FHIT: variants seen among roughly 807,000 people sequenced by gnomAD.
FHIT encodes the protein bis(5'-adenosyl)-triphosphatase.
Under a neutral mutation model 17.9 loss-of-function variants are expected in FHIT, and 19 were observed. The observed-to-expected ratio is 1.06, with a 90% CI of 0.74 to 1.56. The LOEUF (loss-of-function observed/expected upper bound fraction) is 1.56, where lower values mean the gene tolerates loss of function less well. FHIT is among the 40% of genes most tolerant of loss of function. FHIT has a pLI of 0.00. For missense variants in FHIT, 248 were observed against 189.2 expected (o/e 1.31, Z -1.82); for synonymous variants, 81 against 69.7 (o/e 1.16, Z -0.81).
At chr3:60,778,547 T>C (rs1488313513) in intron 4 of FHIT, among the ~76,000 whole-genome samples, 1 of 152,224 alleles carries the variant, frequency 6.6e-6, no homozygotes, top group Non-Finnish European at 1.5e-5. Flanking sequence ...CCATGTTTCA[T>C]TTTTCAGAGT....
intron 5 of FHIT, among the ~76,000 whole-genome samples, chr3:60,104,262 T>G (rs1227429351): frequency 6.6e-6 from 1 of 152,178 alleles, no homozygotes; most frequent in Non-Finnish European, 1.5e-5. Flanking sequence ...CAACACATCA[T>G]CAATCAACCA....
At chr3:60,010,715 TTTA>T (rs1700105078) in intron 7 of FHIT, among the ~76,000 whole-genome samples, 1 of 152,076 alleles carries the variant, frequency 6.6e-6, no homozygotes, top group Non-Finnish European at 1.5e-5. Flanking sequence ...CAGCCAGGAT[TTTA>T]TTATTTTATT....
chr3:59,962,614 T>G (rs1402507256), intron 7 of FHIT, among the ~76,000 whole-genome samples: 1 of 152,228 alleles, frequency 6.6e-6, no homozygotes, highest in African/African-American at 2.4e-5. Flanking sequence ...CTCAGGCTTG[T>G]TGACTACAAG....
chr3:60,013,619 C>T (rs1269222391), intron 6 of FHIT, among the ~76,000 whole-genome samples: 1 of 152,190 alleles, frequency 6.6e-6, no homozygotes, highest in Non-Finnish European at 1.5e-5. Flanking sequence ...AAGGCCCAAC[C>T]TAAGCTGCAT....
intron 5 of FHIT, among the ~76,000 whole-genome samples, chr3:60,210,177 A>C (rs1559730294): frequency 6.6e-6 from 1 of 152,216 alleles, no homozygotes; most frequent in Non-Finnish European, 1.5e-5. Context: ...GTATATGATA[A>C]ATATGCTATC....
intron 8 of FHIT, among the ~76,000 whole-genome samples, chr3:59,897,876 C>T (rs1383725983): frequency 1.3e-5 from 2 of 151,920 alleles, no homozygotes; most frequent in Non-Finnish European, 2.9e-5. Flanking sequence ...ACGCCATTCT[C>T]CTGCCTCAGC....
chr3:59,774,963 G>A (rs1396724874), intron 8 of FHIT, among the ~76,000 whole-genome samples: 1 of 152,146 alleles, frequency 6.6e-6, no homozygotes, highest in Non-Finnish European at 1.5e-5. Context: ...AAATGCCGGA[G>A]CTTAGGCTTC....
At chr3:60,607,584 A>C (rs2038647779) in intron 4 of FHIT, among the ~76,000 whole-genome samples, 1 of 151,932 alleles carries the variant, frequency 6.6e-6, no homozygotes, top group South Asian at 2.1e-4. Context: ...TTGTGTACTG[A>C]GTTCACGTTT....
At chr3:59,860,477 T>C (rs1032649857) in intron 8 of FHIT, among the ~76,000 whole-genome samples, 1 of 152,176 alleles carries the variant, frequency 6.6e-6, no homozygotes, top group African/African-American at 2.4e-5. Flanking sequence ...GTTGAATAAA[T>C]TTTGAAGTGT....
intron 2 of FHIT, among the ~76,000 whole-genome samples, chr3:61,085,222 A>C (rs1206924262): frequency 6.6e-6 from 1 of 152,096 alleles, no homozygotes; most frequent in Non-Finnish European, 1.5e-5. Flanking sequence ...AAAAGTGCCA[A>C]ATTGTTTTCC....
intron 3 of FHIT, among the ~76,000 whole-genome samples, chr3:60,990,519 G>A (rs1318595319): frequency 3.9e-5 from 6 of 152,178 alleles, no homozygotes; most frequent in African/African-American, 1.4e-4. Context: ...TGTGTTAATT[G>A]TTATGATTTG....
chr3:60,530,960 G>A (rs1012537615), intron 5 of FHIT, among the ~76,000 whole-genome samples: 4 of 152,096 alleles, frequency 2.6e-5, no homozygotes, highest in African/African-American at 9.7e-5. Flanking sequence ...ACAGAAGTAG[G>A]AAAAAGAAAG....
At chr3:59,788,402 C>T (rs1013777795) in intron 8 of FHIT, among the ~76,000 whole-genome samples, 1 of 152,200 alleles carries the variant, frequency 6.6e-6, no homozygotes, top group Non-Finnish European at 1.5e-5. Flanking sequence ...CACTCCCTCT[C>T]TGGGCTCCAG....
chr3:60,459,143 T>C (rs931475377), intron 5 of FHIT, among the ~76,000 whole-genome samples: 1 of 152,158 alleles, frequency 6.6e-6, no homozygotes, highest in Non-Finnish European at 1.5e-5. Context: ...TCATACTCAA[T>C]TCTAGCTTCA....
intron 4 of FHIT, among the ~76,000 whole-genome samples, chr3:60,747,501 T>C (rs550846121): frequency 2.1e-4 from 32 of 152,192 alleles, no homozygotes; most frequent in African/African-American, 7.5e-4. Context: ...AATAAAAAAA[T>C]ACAATACTTG....
At chr3:60,994,959 T>C (rs2030544439) in intron 3 of FHIT, among the ~76,000 whole-genome samples, 1 of 152,184 alleles carries the variant, frequency 6.6e-6, no homozygotes. Context: ...TTTAAATGTT[T>C]AGAAATTTTA....
intron 2 of FHIT, among the ~76,000 whole-genome samples, chr3:61,196,089 G>A (rs1316607137): frequency 6.6e-6 from 1 of 152,134 alleles, no homozygotes; most frequent in Non-Finnish European, 1.5e-5. Context: ...AGTGGTAAGA[G>A]TGGAAAGGAT....
chr3:60,294,600 C>T (rs1708125978), intron 5 of FHIT, among the ~76,000 whole-genome samples: 1 of 152,086 alleles, frequency 6.6e-6, no homozygotes, highest in African/African-American at 2.4e-5. Flanking sequence ...AATTACTTAC[C>T]TGTGTTTTTC....
intron 4 of FHIT, among the ~76,000 whole-genome samples, chr3:60,724,108 A>G (rs2041866421): frequency 6.6e-6 from 1 of 152,120 alleles, no homozygotes; most frequent in Non-Finnish European, 1.5e-5. Flanking sequence ...TCACCCCACA[A>G]AGAAACCCTA....
Sources: gnomAD v4.1 joint callset for allele counts (sites outside exome capture counted in the v4.1 genomes callset) on GRCh38, gnomAD v4.1.1 for gene constraint, MANE v1.5 for transcripts, NCBI Gene and HGNC (gene_info 2026-07-23, HGNC 2026-07-21) for gene names.